Variants in CCDC124 observed in about 807,000 individuals in gnomAD.
CCDC124 encodes coiled-coil domain-containing protein 124.
A neutral mutation model predicts 19.8 loss-of-function variants in CCDC124; 9 were observed. That is an observed-to-expected ratio of 0.45 (90% confidence interval 0.27 to 0.79). The LOEUF (loss-of-function observed/expected upper bound fraction) is 0.79. CCDC124 is among the 30% of genes least tolerant of loss of function. The probability of loss-of-function intolerance (pLI) is 0.14; values close to 1 mark genes in which losing one functional copy is unlikely to be tolerated. For missense variants in CCDC124, 285 were observed against 319.0 expected (o/e 0.89, Z 0.81); for synonymous variants, 126 against 131.3 (o/e 0.96, Z 0.27).
At chr19:17,938,354 A>G (rs760163879) in intron 2 of CCDC124, among the ~76,000 whole-genome samples, 1 of 152,192 alleles carries the variant, frequency 6.6e-6, no homozygotes, top group Non-Finnish European at 1.5e-5. Flanking sequence ...TGAATCAAAA[A>G]GCCCAGGGCC....
At chr19:17,934,615 G>A (rs1599959805) in intron 1 of CCDC124, among the ~76,000 whole-genome samples, 1 of 116,528 alleles carries the variant, frequency 8.6e-6, no homozygotes, top group East Asian at 2.2e-4. Context: ...GTCAGACCCT[G>A]CCTTAAAAAA....
chr19:17,939,121 G>A (rs2031121018), intron 2 of CCDC124, among the ~76,000 whole-genome samples: 1 of 152,120 alleles, frequency 6.6e-6, no homozygotes, highest in African/African-American at 2.4e-5. Context: ...CCATCCGGGT[G>A]CGGTGGCTCA....
chr19:17,939,939 T>A (rs1290018781), intron 2 of CCDC124, among the ~76,000 whole-genome samples: 5 of 139,348 alleles, frequency 3.6e-5, no homozygotes, highest in African/African-American at 1.1e-4. Flanking sequence ...TTTTTTTTTT[T>A]AGACAGTCTC....
chr19:17,935,276 T>C (rs1243204453), intron 1 of CCDC124: 1 of 151,948 alleles, frequency 6.6e-6, no homozygotes, highest in Non-Finnish European at 1.5e-5. Context: ...AGAAAGCAGA[T>C]TGATGGTTAC....
chr19:17,943,357 A>G lies in CCDC124; in HGVS notation c.446A>G (p.Asp149Gly). ...AGCGTGGAGGCGCGCACCATCGAGG[A>G]CGCCATTGCAGTGCTCAGGTAACGG... ...EGSVEARTIEDAIAVLSVAEE... is the reference protein window; with the variant it reads ...EGSVEARTIEGAIAVLSVAEE... The change falls in exon 4 of 5, where the codon GAC (aspartate) becomes GGC (glycine). Residue 149 changes from aspartate to glycine, a missense_variant. Transcript: ENST00000445755. 2.0e-6 allele frequency: 3 copies of G among 1,527,186 alleles called. No individual in the cohort carries two copies. The highest frequency in any genetic ancestry group is 2.6e-6 in the Non-Finnish European group (3 of 1,138,102). 94.6% of individuals were successfully genotyped at this position (1,527,186 alleles called of 1,614,324 possible). A position where few individuals can be genotyped will look rare whatever the true frequency, so the allele number is the denominator to read the frequency against.
chr19:17,941,512 A>G (rs909022506), intron 2 of CCDC124, among the ~76,000 whole-genome samples: 1 of 143,372 alleles, frequency 7.0e-6, no homozygotes, highest in Admixed American at 7.0e-5. Flanking sequence ...ACTGTCTCAG[A>G]AAAAAAAAAA....
chr19:17,939,256 G>A (rs562577822), intron 2 of CCDC124, among the ~76,000 whole-genome samples: 3 of 152,008 alleles, frequency 2.0e-5, no homozygotes, highest in Middle Eastern at 3.2e-3. Flanking sequence ...TTAGCTGGGC[G>A]TGGTGGCGCG....
intron 1 of CCDC124, 162 bp from the exon 2 acceptor site, chr19:17,936,248 A>C (rs1373411100): frequency 1.5e-5 from 9 of 601,088 alleles, no homozygotes; most frequent in Non-Finnish European, 2.2e-5. Flanking sequence ...TTGCCTTAAT[A>C]AACTTTTACA....
At chr19:17,936,063 C>A (rs1022001629) in intron 1 of CCDC124, among the ~76,000 whole-genome samples, 11 of 152,104 alleles carry the variant, frequency 7.2e-5, no homozygotes, top group African/African-American at 2.7e-4. Flanking sequence ...CACCACCATG[C>A]CCAGCTAATT....
chr19:17,942,114 C>T lies in CCDC124; in HGVS notation c.160-542C>T, dbSNP rs570881607. On this transcript the variant is annotated intron_variant, in intron 2 of 4. Coordinates refer to ENST00000445755, the MANE Select transcript of CCDC124 (RefSeq NM_001136203.2). The surrounding 1 kb of genome is among the most constrained non-coding windows in gnomAD (Gnocchi z 4.2). ...TGGAATCAGTTTCAGCCTCAGTGAC[C>T]CACGGCAGGGAAACGTGGACAGTGC... Among the ~76,000 whole-genome samples the T allele has an allele frequency of 9.1e-4, 139 of 152,260 alleles. 1 individual carries two copies. The highest frequency in any genetic ancestry group is 1.1e-3 in the Non-Finnish European group (74 of 67,994).
chr19:17,935,460 G>A (rs140873009), intron 1 of CCDC124, among the ~76,000 whole-genome samples: 3 of 151,294 alleles, frequency 2.0e-5, no homozygotes, highest in South Asian at 2.1e-4. Context: ...TCGCTCTGTC[G>A]CCTAGGCTGG....
intron 1 of CCDC124, among the ~76,000 whole-genome samples, chr19:17,934,740 G>A (rs1046151272): frequency 1.3e-5 from 2 of 151,726 alleles, no homozygotes; most frequent in East Asian, 1.9e-4. Flanking sequence ...CCGAGATTTC[G>A]CCACTGCACT....
At chr19:17,940,605 A>C (rs1195831859) in intron 2 of CCDC124, among the ~76,000 whole-genome samples, 1 of 151,956 alleles carries the variant, frequency 6.6e-6, no homozygotes, top group Non-Finnish European at 1.5e-5. Flanking sequence ...TTTCTACTAA[A>C]AATACAAAAT....
intron 2 of CCDC124, among the ~76,000 whole-genome samples, chr19:17,940,681 G>A (rs529754423): frequency 3.3e-5 from 5 of 151,116 alleles, no homozygotes; most frequent in Middle Eastern, 3.4e-3. Context: ...CAGGAGAATC[G>A]GTTGAACCTG....
At chr19:17,941,171 C>G (rs2031171664) in intron 2 of CCDC124, among the ~76,000 whole-genome samples, 1 of 152,282 alleles carries the variant, frequency 6.6e-6, no homozygotes, top group East Asian at 1.9e-4. Context: ...TTCCCTCATA[C>G]CCCTCCTGGT....
At chr19:17,933,553 G>A (rs2030991343) in intron 1 of CCDC124, among the ~76,000 whole-genome samples, 1 of 152,158 alleles carries the variant, frequency 6.6e-6, no homozygotes, top group Non-Finnish European at 1.5e-5. Flanking sequence ...CATCTGGGGA[G>A]TCCACCTCCT....
In CCDC124 at chr19:17,943,358, C is replaced by T. The variant is rs751296538; in HGVS notation, c.447C>T (p.Asp149=). Residue 149 remains aspartate, a synonymous_variant, in exon 4 of 5, where the codon GAC becomes GAT. Transcript: ENST00000445755. ...EGSVEARTIE[D]AIAVLSVAEE... The stretch of plus-strand genomic sequence containing the variant: ...GCGTGGAGGCGCGCACCATCGAGGA[C>T]GCCATTGCAGTGCTCAGGTAACGGG... 3.0e-5 allele frequency: 47 copies of T among 1,586,856 alleles called. No homozygotes were observed. Among genetic ancestry groups the T allele is most frequent in the South Asian group, 5.7e-5 (5 of 87,460 alleles).
chr19:17,942,484 C>T lies in CCDC124; in HGVS notation c.160-172C>T, dbSNP rs2031205071. 6.6e-6 allele frequency among the ~76,000 whole-genome samples: 1 copy of T among 152,214 alleles called. No individual in the cohort carries two copies. The highest frequency in any genetic ancestry group is 2.1e-4 in the South Asian group (1 of 4,834). On this transcript the variant is annotated intron_variant, in intron 2 of 4. Coordinates refer to ENST00000445755, the MANE Select transcript of CCDC124 (RefSeq NM_001136203.2). The surrounding 1 kb of genome is among the most constrained non-coding windows in gnomAD (Gnocchi z 4.2). ...CCCTGTCCAAGGTTCCCCTGTTGGC[C>T]TCACATCCCCCGCCCAGGGCAGCAC...
At chr19:17,940,957 G>C (rs1180858422) in intron 2 of CCDC124, among the ~76,000 whole-genome samples, 1 of 152,004 alleles carries the variant, frequency 6.6e-6, no homozygotes, top group East Asian at 1.9e-4. Context: ...TGAGGCAGGA[G>C]AATGGCATGA....
Sources: gnomAD v4.1 joint callset for allele counts (sites outside exome capture counted in the v4.1 genomes callset) on GRCh38, gnomAD v4.1.1 for gene constraint, Gnocchi (gnomAD v3.1) non-coding constraint, MANE v1.5 for transcripts, NCBI Gene and HGNC (gene_info 2026-07-23, HGNC 2026-07-21) for gene names.